CCND2: variants seen among roughly 807,000 people sequenced by gnomAD.
CCND2 encodes the protein cyclin D2, also known as G1/S-specific cyclin-D2.
A neutral mutation model predicts 30.2 loss-of-function variants in CCND2; 6 were observed. That is an observed-to-expected ratio of 0.20 (90% confidence interval 0.11 to 0.39). The LOEUF (loss-of-function observed/expected upper bound fraction) is 0.39. Among genes scored for constraint, CCND2 ranks in the 10% least tolerant of loss-of-function variants. CCND2 has a pLI of 1.00. For missense variants in CCND2, 235 were observed against 373.4 expected (o/e 0.63, Z 3.06); for synonymous variants, 150 against 153.1 (o/e 0.98, Z 0.15).
rs1465880177 is a variant in CCND2 at position 4,299,331 on chromosome 12, G to T, written c.721-529G>T. On this transcript the variant is annotated intron_variant, in intron 4 of 4. Transcript: ENST00000261254. This position sits in a 1 kb window ranked among gnomAD's most constrained non-coding sequence, Gnocchi z 5.2. ...GCCGAGATTGTGCCAGTGCACTCCA[G>T]CCTGGGGGACAGAGTGAGAAAAAGT... Among the ~76,000 whole-genome samples the T allele has an allele frequency of 6.6e-6, 1 of 152,246 alleles. No individual in the cohort carries two copies. Among genetic ancestry groups the T allele is most frequent in the Non-Finnish European group, 1.5e-5 (1 of 68,034 alleles).
At chr12:4,275,937 C>A in intron 1 of CCND2, 68 bp from the exon 2 acceptor site, 1 of 982,720 alleles carries the variant, frequency 1.0e-6, no homozygotes, top group Non-Finnish European at 1.5e-6. Context: ...CTTTTTTATT[C>A]TTTTTCTCTT....
At position 4,274,315 on chromosome 12, in the gene CCND2, A is replaced by G; in HGVS notation, c.195+80A>G. ...CCCCGGCCGGAGCCCTAAACCTGGG[A>G]GAGGGCAATCCCCGCGCCGGCCTCC... On this transcript the variant is annotated intron_variant, in intron 1 of 4. Coordinates refer to ENST00000261254, the MANE Select transcript of CCND2 (RefSeq NM_001759.4). The surrounding 1 kb of genome is among the most constrained non-coding windows in gnomAD (Gnocchi z 7.7). 6.8e-7 allele frequency: 1 copy of G among 1,474,856 alleles called. No individual in the cohort carries two copies. Among genetic ancestry groups the G allele is most frequent in the South Asian group, 1.2e-5 (1 of 82,694 alleles). 91.4% of individuals were successfully genotyped at this position (1,474,856 alleles called of 1,614,324 possible). A position where few individuals can be genotyped will look rare whatever the true frequency, so the allele number is the denominator to read the frequency against.
At chr12:4,275,889 C>G in intron 1 of CCND2, 116 bp from the exon 2 acceptor site, 1 of 645,930 alleles carries the variant, frequency 1.5e-6, no homozygotes, top group Non-Finnish European at 2.6e-6. Flanking sequence ...CCCCCTCCCA[C>G]AAAAAAAAAT....
chr12:4,297,570 CAAAAAAAA>C lies in CCND2; in HGVS notation c.721-2270_721-2263del, dbSNP rs71061177. 1.1e-4 allele frequency among the ~76,000 whole-genome samples: 8 copies of C among 74,752 alleles called. No individual in the cohort carries two copies. In the East Asian group the frequency reaches 4.1e-3, roughly 38 times the overall value. The allele number at this position is 74,752 out of a possible 152,430, so 49.0% of individuals were successfully genotyped here. ...TGGGCGACAGAGCAACACTCTGTCT[CAAAAAAAA>C]AAAAAAAAAAAAAAAAAAACAGAAA... is the stretch of plus-strand genomic sequence containing the variant. On this transcript the variant is annotated intron_variant, in intron 4 of 4. Coordinates refer to ENST00000261254, the MANE Select transcript of CCND2 (RefSeq NM_001759.4).
rs1864288199 is a variant in CCND2, at chr12:4,304,303, T to G, written c.*4294T>G. On this transcript the variant is annotated 3_prime_UTR_variant, in exon 5 of 5. Transcript: ENST00000261254. The surrounding 1 kb of genome is among the most constrained non-coding windows in gnomAD (Gnocchi z 6.2). Reference sequence around the variant, plus strand: ...TAAGCCAAAAGGATTCCTCTTTGTTTATCTCTGAGACAGTCCAACCTTGAG... The same window carrying G: ...TAAGCCAAAAGGATTCCTCTTTGTTGATCTCTGAGACAGTCCAACCTTGAG... 1 of 233,556 alleles carries G rather than the reference T, an allele frequency of 4.3e-6. No homozygotes were observed. The highest frequency in any genetic ancestry group is 8.5e-6 in the Non-Finnish European group (1 of 118,010). The allele number at this position is 233,556 out of a possible 1,614,324, so 14.5% of individuals were successfully genotyped here.
chr12:4,275,873 T>TCCCCTC (rs1863865324), intron 1 of CCND2, 132 bp from the exon 2 acceptor site: 1 of 586,162 alleles, frequency 1.7e-6, no homozygotes, highest in African/African-American at 1.9e-5. Context: ...CGCATTCTGG[T>TCCCCTC]CCCCTCCCCC....
At chr12:4,297,860 T>C (rs1332882821) in intron 4 of CCND2, 1 of 453,034 alleles carries the variant, frequency 2.2e-6, no homozygotes, top group East Asian at 7.0e-5. Context: ...CCGACTCCAT[T>C]TCAGCCTCGT....
chr12:4,286,872 C>T (rs893685418), intron 3 of CCND2, among the ~76,000 whole-genome samples: 2 of 152,172 alleles, frequency 1.3e-5, no homozygotes, highest in African/African-American at 4.8e-5. Context: ...AAGGGAGGGC[C>T]GGGGATACTT....
In CCND2 at chr12:4,303,573, T is replaced by C. The variant is rs1166560355; in HGVS notation, c.*3564T>C. On this transcript the variant is annotated 3_prime_UTR_variant, in exon 5 of 5. Coordinates refer to ENST00000261254, the MANE Select transcript of CCND2 (RefSeq NM_001759.4). This position sits in a 1 kb window ranked among gnomAD's most constrained non-coding sequence, Gnocchi z 4.6. ...GTTGTTCCCCCAGCCTGCCAAATTT[T>C]GATCCTTCCCCTCTTTTGGCCAAAT... is the stretch of plus-strand genomic sequence containing the variant. 4.3e-6 allele frequency: 1 copy of C among 233,624 alleles called. No individual in the cohort carries two copies. Among genetic ancestry groups the C allele is most frequent in the Non-Finnish European group, 8.5e-6 (1 of 118,080 alleles). The allele number at this position is 233,624 out of a possible 1,614,324, so 14.5% of individuals were successfully genotyped here. A position where few individuals can be genotyped will look rare whatever the true frequency, so the allele number is the denominator to read the frequency against.
In CCND2 at chr12:4,303,681, C is replaced by G. The variant is rs1319885800; in HGVS notation, c.*3672C>G. On this transcript the variant is annotated 3_prime_UTR_variant, in exon 5 of 5. Transcript: ENST00000261254. This position sits in a 1 kb window ranked among gnomAD's most constrained non-coding sequence, Gnocchi z 4.6. ...ATGCGGGTCCATAACAGCCAAGAAG[C>G]CTGCAGGAGAAAGCCAAGGGCAGTT... is the stretch of plus-strand genomic sequence containing the variant. 8.6e-6 allele frequency: 2 copies of G among 233,628 alleles called. No individual in the cohort carries two copies. The highest frequency in any genetic ancestry group is 6.0e-5 in the East Asian group (1 of 16,586). 14.5% of individuals were successfully genotyped at this position (233,628 alleles called of 1,614,324 possible). A position where few individuals can be genotyped will look rare whatever the true frequency, so the allele number is the denominator to read the frequency against.
At position 4,293,948 on chromosome 12, in the gene CCND2, C is replaced by T. The variant is rs541196849; in HGVS notation, c.720+4958C>T. Among the ~76,000 whole-genome samples, 1 of 152,174 alleles carries T rather than the reference C, an allele frequency of 6.6e-6. No homozygotes were observed. Among genetic ancestry groups the T allele is most frequent in the South Asian group, 2.1e-4 (1 of 4,820 alleles). ...TCCTGCCTCATTTTTCTGTGGGCCT[C>T]ATTTGGTATGCAAGGAAATAAGCCA... On this transcript the variant is annotated intron_variant, in intron 4 of 4. Coordinates refer to ENST00000261254, the MANE Select transcript of CCND2 (RefSeq NM_001759.4). The surrounding 1 kb of genome is among the most constrained non-coding windows in gnomAD (Gnocchi z 4.9).
rs2120593070 is a variant in CCND2 at position 4,299,880 on chromosome 12, G to A, written c.741G>A (p.Gln247=). The change falls in exon 5 of 5, where the codon CAG becomes CAA. Residue 247 remains glutamine (Q), a synonymous_variant. Coordinates refer to ENST00000261254, the MANE Select transcript of CCND2 (RefSeq NM_001759.4). This position sits in a 1 kb window ranked among gnomAD's most constrained non-coding sequence, Gnocchi z 5.2. The stretch of plus-strand genomic sequence containing the variant: ...TCTAGGATTGTCTCAAAGCTTGCCA[G>A]GAGCAGATTGAGGCGGTGCTCCTCA... The part of the protein sequence containing the change: ...NTDVDCLKAC[Q]EQIEAVLLNS... 6.2e-7 allele frequency: 1 copy of A among 1,614,126 alleles called. No homozygotes were observed.
Position 4,300,188 on chromosome 12 carries a change from TA to T in CCND2, c.*184del. On this transcript the variant is annotated 3_prime_UTR_variant, in exon 5 of 5. Coordinates refer to ENST00000261254, the MANE Select transcript of CCND2 (RefSeq NM_001759.4). ...AAAAGGTCCTACGAAAACGGAATAA[TA>T]AAAAGCATTTGGTGCCTATTTGAAG... is the stretch of plus-strand genomic sequence containing the variant. The T allele has an allele frequency of 1.7e-6, 1 of 605,870 alleles. No homozygotes were observed. The highest frequency in any genetic ancestry group is 2.8e-6 in the Non-Finnish European group (1 of 357,754). The allele number at this position is 605,870 out of a possible 1,614,324, so 37.5% of individuals were successfully genotyped here. A position where few individuals can be genotyped will look rare whatever the true frequency, so the allele number is the denominator to read the frequency against.
chr12:4,298,481 C>G (rs1864205082), intron 4 of CCND2, among the ~76,000 whole-genome samples: 1 of 152,178 alleles, frequency 6.6e-6, no homozygotes, highest in African/African-American at 2.4e-5. Context: ...CTCCTGGTTT[C>G]AGCTTCCCGC....
rs930932681 is a variant in CCND2 at position 4,276,356 on chromosome 12, T to A, written c.411+136T>A. On this transcript the variant is annotated intron_variant, in intron 2 of 4. Transcript: ENST00000261254. This position sits in a 1 kb window ranked among gnomAD's most constrained non-coding sequence, Gnocchi z 4.8. ...CCCACCAATAGAATTTACCCACTTATGGGCGATAGCTCATTTAATAGGAAA... is the reference window on the plus strand; with the variant it reads ...CCCACCAATAGAATTTACCCACTTAAGGGCGATAGCTCATTTAATAGGAAA... 1.3e-5 allele frequency: 9 copies of A among 680,098 alleles called. No individual in the cohort carries two copies. The African/African-American group carries it at 1.4e-4, about 11-fold the overall frequency. The allele number at this position is 680,098 out of a possible 1,614,324, so 42.1% of individuals were successfully genotyped here.
rs1012451122 is a variant in CCND2 at position 4,305,195 on chromosome 12, G to T, written c.*5186G>T. The T allele has an allele frequency of 8.6e-6, 2 of 233,150 alleles. No individual in the cohort carries two copies. Among genetic ancestry groups the T allele is most frequent in the Non-Finnish European group, 1.7e-5 (2 of 117,800 alleles). The allele number at this position is 233,150 out of a possible 1,614,324, so 14.4% of individuals were successfully genotyped here. A position where few individuals can be genotyped will look rare whatever the true frequency, so the allele number is the denominator to read the frequency against. ...GTTGTATTGGCTATGATGGTGACATGATATAGTCAGCTGCCTTTTAAGAGG... is the reference window on the plus strand; with the variant it reads ...GTTGTATTGGCTATGATGGTGACATTATATAGTCAGCTGCCTTTTAAGAGG... On this transcript the variant is annotated 3_prime_UTR_variant, in exon 5 of 5. Transcript: ENST00000261254. The surrounding 1 kb of genome is among the most constrained non-coding windows in gnomAD (Gnocchi z 6.4).
At chr12:4,290,647 G>A (rs1565435953) in intron 4 of CCND2, among the ~76,000 whole-genome samples, 1 of 151,040 alleles carries the variant, frequency 6.6e-6, no homozygotes, top group Non-Finnish European at 1.5e-5. Flanking sequence ...TGCTCTGATG[G>A]GCTGACCACC....
chr12:4,279,338 C>T (rs1048366157), intron 3 of CCND2, among the ~76,000 whole-genome samples: 4 of 151,424 alleles, frequency 2.6e-5, no homozygotes, highest in Non-Finnish European at 4.4e-5. Context: ...AAAGGAACAA[C>T]GTCAAGATAA....
chr12:4,290,751 G>A (rs3217867), intron 4 of CCND2, among the ~76,000 whole-genome samples: 117,808 of 151,866 alleles, frequency 0.78, 45,823 homozygotes, highest in East Asian at 0.94. Context: ...AGTTGCTGCT[G>A]AGTCTCTTGG....
Sources: allele counts gnomAD v4.1 joint callset (sites outside exome capture counted in the v4.1 genomes callset), GRCh38; gene constraint gnomAD v4.1.1; non-coding constraint Gnocchi (gnomAD v3.1); transcripts MANE v1.5; gene names NCBI Gene and HGNC (gene_info 2026-07-23, HGNC 2026-07-21).